The following TOGARAM2 variants were observed in gnomAD, a reference collection of about 807,000 sequenced individuals.
The protein encoded by TOGARAM2 is TOG array regulator of axonemal microtubules 2.
A neutral mutation model predicts 93.3 loss-of-function variants in TOGARAM2; 85 were observed. The observed-to-expected ratio is 0.91, with a 90% CI of 0.76 to 1.09. The LOEUF is 1.09. Ranked by LOEUF, TOGARAM2 falls within the 50% of genes least tolerant of loss-of-function variation. The probability of loss-of-function intolerance (pLI) is 0.00; values close to 1 mark genes in which losing one functional copy is unlikely to be tolerated. For missense variants in TOGARAM2, 1,277 were observed against 1,334.5 expected, an observed-to-expected ratio of 0.96 and a Z score of 0.67; for synonymous variants, 593 against 552.8, an observed-to-expected ratio of 1.07 and a Z score of -1.02.
At chr2:29,000,012 G>C (rs1673202732) in intron 4 of TOGARAM2, among the ~76,000 whole-genome samples, 2 of 150,224 alleles carry the variant, frequency 1.3e-5, no homozygotes, top group Non-Finnish European at 1.5e-5. Flanking sequence ...TGGCTTCAAA[G>C]CCCTCCTCAA....
Position 29,035,743 on chromosome 2 carries a change from A to G in TOGARAM2, c.2418+87A>G, listed in dbSNP as rs190891563. The G allele has an allele frequency of 9.5e-5, 118 of 1,241,632 alleles. 1 individual carries two copies. The African/African-American group carries it at 1.0e-3, about 11-fold the overall frequency. The allele number at this position is 1,241,632 out of a possible 1,614,324, so 76.9% of individuals were successfully genotyped here. ...TTGAAAACTCTGAATGGCGTTGGAC[A>G]TGTGTCAGACCCCTTGCTATGCAGT... On this transcript the variant is annotated intron_variant, in intron 17 of 19. Transcript: ENST00000379558.
rs116326350 is a variant in TOGARAM2, at chr2:28,959,836, G to A, written c.-147+3139G>A. ...ATATAGTCATATGACCCTTAACAAC[G>A]GGGATATGTTCTGAAAGATGTTGTT... is the stretch of plus-strand genomic sequence containing the variant. On this transcript the variant is annotated intron_variant, in intron 1 of 6. Transcript: ENST00000401723. Among the ~76,000 whole-genome samples the A allele has an allele frequency of 4.2e-3, 638 of 152,322 alleles. 5 individuals carry two copies. Among genetic ancestry groups the A allele is most frequent in the African/African-American group, 0.013 (538 of 41,574 alleles).
At chr2:29,017,761 C>T in intron 9 of TOGARAM2, 31 bp from the exon 10 acceptor site, 1 of 1,565,930 alleles carries the variant, frequency 6.4e-7, no homozygotes, top group Admixed American at 1.8e-5. Flanking sequence ...AACAGACCTG[C>T]CTAGTCCTAG....
At chr2:28,967,522 C>T (rs536702960) in intron 1 of TOGARAM2, among the ~76,000 whole-genome samples, 1 of 152,210 alleles carries the variant, frequency 6.6e-6, no homozygotes, top group South Asian at 2.1e-4. Context: ...GGCCACTCTG[C>T]TTAAAAAATG....
intron 16 of TOGARAM2, among the ~76,000 whole-genome samples, chr2:29,034,868 T>C (rs895102164): frequency 6.6e-6 from 1 of 152,096 alleles, no homozygotes; most frequent in South Asian, 2.1e-4. Context: ...TGTGCACCAG[T>C]TGGCCAGGTG....
intron 2 of TOGARAM2, among the ~76,000 whole-genome samples, chr2:28,997,523 C>T (rs1292948727): frequency 6.6e-6 from 1 of 152,226 alleles, no homozygotes; most frequent in Non-Finnish European, 1.5e-5. Context: ...TACTGTCTCA[C>T]TGCACAGAGA....
chr2:29,019,120 G>A (rs1664771668), intron 10 of TOGARAM2, among the ~76,000 whole-genome samples: 1 of 151,412 alleles, frequency 6.6e-6, no homozygotes, highest in African/African-American at 2.4e-5. Context: ...CATGAAAGTG[G>A]TAATTGAATA....
chr2:29,009,176 A>C (rs887351164), intron 6 of TOGARAM2, among the ~76,000 whole-genome samples: 2 of 152,230 alleles, frequency 1.3e-5, no homozygotes, highest in African/African-American at 4.8e-5. Context: ...CATGCCAGGC[A>C]GACTTCTCAG....
intron 1 of TOGARAM2, among the ~76,000 whole-genome samples, chr2:28,966,588 G>T (rs897716210): frequency 1.3e-5 from 2 of 152,252 alleles, no homozygotes; most frequent in South Asian, 4.1e-4. Context: ...GAGCCACCGT[G>T]CCTGGCCAAA....
intron 1 of TOGARAM2, among the ~76,000 whole-genome samples, chr2:28,964,647 C>T (rs1292287706): frequency 7.0e-6 from 1 of 143,258 alleles, no homozygotes; most frequent in Non-Finnish European, 1.5e-5. Flanking sequence ...CCCCACCCAA[C>T]CCCCCAGCAG....
intron 18 of TOGARAM2, among the ~76,000 whole-genome samples, chr2:29,037,216 T>G (rs557504457): frequency 6.6e-6 from 1 of 152,314 alleles, no homozygotes; most frequent in South Asian, 2.1e-4. Context: ...CTTCTAGGTA[T>G]GACATCTTGC....
chr2:29,018,054 C>A, intron 10 of TOGARAM2, 98 bp downstream of exon 10: 1 of 1,364,774 alleles, frequency 7.3e-7, no homozygotes, highest in East Asian at 2.6e-5. Flanking sequence ...GCTTTGCTTC[C>A]GCCCCTTGTC....
At chr2:29,024,507 G>C (rs1665205282) in intron 13 of TOGARAM2, 133 bp downstream of exon 13, 2 of 819,582 alleles carry the variant, frequency 2.4e-6, no homozygotes, top group Non-Finnish European at 3.9e-6. Flanking sequence ...GAGGCTGCAG[G>C]GGGTCCCTTG....
At chr2:28,958,123 C>T (rs572488954) in intron 1 of TOGARAM2, among the ~76,000 whole-genome samples, 78 of 152,210 alleles carry the variant, frequency 5.1e-4, no homozygotes, top group African/African-American at 1.8e-3. Context: ...CAAATAGGTC[C>T]GTTCTAGAAA....
chr2:29,006,541 G>C lies in TOGARAM2; in HGVS notation c.830+2859G>C, dbSNP rs116439344. Among the ~76,000 whole-genome samples the C allele has an allele frequency of 6.7e-3, 1,021 of 152,234 alleles. 13 individuals are homozygous for C. Among genetic ancestry groups the C allele is most frequent in the African/African-American group, 0.023 (971 of 41,510 alleles). On this transcript the variant is annotated intron_variant, in intron 6 of 19. Coordinates refer to ENST00000379558, the MANE Select transcript of TOGARAM2 (RefSeq NM_199280.4). ...GCCTATGGGCCTGGCTCCTTCAGTA[G>C]AGTCACAATCCAGTTCCTGCTGTGA... is the stretch of plus-strand genomic sequence containing the variant.
intron 10 of TOGARAM2, among the ~76,000 whole-genome samples, chr2:29,020,995 C>A (rs113867937): frequency 0.022 from 3,276 of 152,218 alleles, 46 homozygotes; most frequent in Middle Eastern, 0.044. Flanking sequence ...CTCACTGCAA[C>A]CTACGCTTCC....
intron 1 of TOGARAM2, among the ~76,000 whole-genome samples, chr2:28,973,453 T>TC (rs1553333637): frequency 4.3e-5 from 4 of 93,936 alleles, no homozygotes; most frequent in Admixed American, 1.2e-4. Context: ...CTTCCTTCCT[T>TC]CCTTCCTTCC....
intron 4 of TOGARAM2, 101 bp downstream of exon 4, chr2:28,999,569 T>TTCCA (rs1484876889): frequency 2.8e-5 from 37 of 1,319,926 alleles, no homozygotes; most frequent in Non-Finnish European, 3.4e-5. Flanking sequence ...GGTGGCATGC[T>TTCCA]GGGATGCCCT....
Position 29,014,451 on chromosome 2 carries a change from G to T in TOGARAM2, c.934G>T (p.Ala312Ser), listed in dbSNP as rs770702588. The part of the protein sequence containing the change: ...RDRPAAAKKP[A>S]LPFSQSAPTL... ...CAGGCCTGCCGCTGCCAAGAAGCCT[G>T]CCCTGCCTTTTTCTCAGTCTGCTCC... The change falls in exon 8 of 20, where the codon GCC becomes TCC. Residue 312 changes from alanine to serine, a missense_variant. Physicochemically the swap from Ala to Ser is moderately conservative, Grantham distance 99. Transcript: ENST00000379558. The T allele has an allele frequency of 6.2e-7, 1 of 1,607,592 alleles. No individual in the cohort carries two copies. The highest frequency in any genetic ancestry group is 1.1e-5 in the South Asian group (1 of 89,324).
Sources: allele counts gnomAD v4.1 joint callset (sites outside exome capture counted in the v4.1 genomes callset), GRCh38; gene constraint gnomAD v4.1.1; transcripts MANE v1.5; gene names NCBI Gene and HGNC (gene_info 2026-07-23, HGNC 2026-07-21).